The following OPCML variants were observed in gnomAD, a reference collection of about 807,000 sequenced individuals.
The protein encoded by OPCML is opioid-binding protein/cell adhesion molecule.
A neutral mutation model predicts 37.8 loss-of-function variants in OPCML; 13 were observed. The ratio of observed to expected loss-of-function variants is 0.34; its 90% CI spans 0.22 to 0.55. OPCML has a LOEUF of 0.55. Among genes scored for constraint, OPCML ranks in the 20% least tolerant of loss-of-function variants. The probability of loss-of-function intolerance (pLI) is 0.91; values close to 1 mark genes in which losing one functional copy is unlikely to be tolerated. For missense variants in OPCML, 341 were observed against 435.6 expected (o/e 0.78, Z 1.93); for synonymous variants, 176 against 168.8 (o/e 1.04, Z -0.33).
chr11:132,753,003 GT>G (rs201347860), intron 2 of OPCML, among the ~76,000 whole-genome samples: 44 of 151,696 alleles, frequency 2.9e-4, no homozygotes, highest in African/African-American at 8.9e-4. Flanking sequence ...ATCTTGATTT[GT>G]TTTTTTTGGT....
intron 2 of OPCML, among the ~76,000 whole-genome samples, chr11:132,751,772 A>G (rs1453117713): frequency 6.6e-6 from 1 of 152,140 alleles, no homozygotes; most frequent in Admixed American, 6.5e-5. Flanking sequence ...TTCTGCATCT[A>G]TGAGACCTCC....
intron 1 of OPCML, among the ~76,000 whole-genome samples, chr11:133,414,679 C>G (rs576385881): frequency 1.6e-4 from 24 of 152,254 alleles, no homozygotes; most frequent in Non-Finnish European, 2.6e-4. Flanking sequence ...TGACAACTCC[C>G]CATGAAACCC....
intron 1 of OPCML, among the ~76,000 whole-genome samples, chr11:133,348,809 C>T (rs1242715354): frequency 3.3e-5 from 5 of 152,122 alleles, no homozygotes; most frequent in African/African-American, 7.2e-5. Context: ...CAGACTTCAT[C>T]GATATTTATA....
intron 1 of OPCML, among the ~76,000 whole-genome samples, chr11:133,095,623 T>C (rs1337184347): frequency 6.8e-6 from 1 of 146,430 alleles, no homozygotes; most frequent in Non-Finnish European, 1.5e-5. Flanking sequence ...GAACTACTGA[T>C]ACAGTAGTCA....
At chr11:132,753,114 C>A (rs953071043) in intron 2 of OPCML, among the ~76,000 whole-genome samples, 4 of 151,968 alleles carry the variant, frequency 2.6e-5, no homozygotes, top group African/African-American at 4.8e-5. Flanking sequence ...GCACTCTGGC[C>A]CCACAAGCCC....
chr11:132,587,707 G>A (rs1478571715), intron 3 of OPCML, among the ~76,000 whole-genome samples: 1 of 152,186 alleles, frequency 6.6e-6, no homozygotes, highest in Non-Finnish European at 1.5e-5. Context: ...AGAATTCCAT[G>A]ATTCTACCAC....
chr11:132,470,559 C>T (rs752939162), intron 4 of OPCML, among the ~76,000 whole-genome samples: 38 of 152,100 alleles, frequency 2.5e-4, no homozygotes, highest in Non-Finnish European at 5.0e-4. Context: ...TGAGCATGAA[C>T]GCATGAATGT....
chr11:132,931,745 G>A (rs576912062), intron 2 of OPCML, among the ~76,000 whole-genome samples: 145 of 152,294 alleles, frequency 9.5e-4, no homozygotes, highest in Non-Finnish European at 1.4e-3. Flanking sequence ...TGAAAACTGC[G>A]TGGCGTTTCC....
intron 1 of OPCML, among the ~76,000 whole-genome samples, chr11:133,129,273 A>G (rs977075013): frequency 6.6e-6 from 1 of 152,140 alleles, no homozygotes; most frequent in African/African-American, 2.4e-5. Context: ...CAGACCATGC[A>G]CGTAAGGGAA....
chr11:133,195,547 T>C (rs146332029), intron 1 of OPCML, among the ~76,000 whole-genome samples: 8 of 152,330 alleles, frequency 5.3e-5, no homozygotes, highest in African/African-American at 1.4e-4. Flanking sequence ...TGGACAAAAT[T>C]AATGAATATG....
intron 1 of OPCML, among the ~76,000 whole-genome samples, chr11:133,241,848 G>T (rs1296558048): frequency 6.6e-6 from 1 of 152,134 alleles, no homozygotes; most frequent in African/African-American, 2.4e-5. Flanking sequence ...ACGCTTCCAC[G>T]CATGTATTTT....
At chr11:133,130,013 T>A (rs1949579244) in intron 1 of OPCML, among the ~76,000 whole-genome samples, 1 of 151,894 alleles carries the variant, frequency 6.6e-6, no homozygotes, top group African/African-American at 2.4e-5. Context: ...AAATTATGTA[T>A]AGATATTAGA....
intron 3 of OPCML, among the ~76,000 whole-genome samples, chr11:132,596,361 T>TC (rs1227287810): frequency 4.6e-5 from 7 of 152,228 alleles, no homozygotes; most frequent in Non-Finnish European, 8.8e-5. Context: ...TTCTTCTTTT[T>TC]CTTTTTTTTT....
chr11:132,498,866 C>T (rs929843372), intron 4 of OPCML, among the ~76,000 whole-genome samples: 3 of 152,104 alleles, frequency 2.0e-5, no homozygotes, highest in Admixed American at 6.5e-5. Context: ...GAGGAATGAA[C>T]ATTTATATTT....
chr11:132,968,081 C>T (rs1478622088), intron 1 of OPCML, among the ~76,000 whole-genome samples: 1 of 152,068 alleles, frequency 6.6e-6, no homozygotes, highest in Non-Finnish European at 1.5e-5. Context: ...AAATATATAT[C>T]GACACATTTA....
At chr11:133,151,397 T>C (rs905891730) in intron 1 of OPCML, among the ~76,000 whole-genome samples, 4 of 151,858 alleles carry the variant, frequency 2.6e-5, no homozygotes, top group African/African-American at 9.7e-5. Flanking sequence ...GTTTGCCCTT[T>C]GGCTGCTGGA....
chr11:133,049,708 G>T (rs940505104), intron 1 of OPCML, among the ~76,000 whole-genome samples: 1 of 152,178 alleles, frequency 6.6e-6, no homozygotes, highest in South Asian at 2.1e-4. Context: ...ACCCGTCACC[G>T]TGCAGGACAG....
chr11:132,657,015 A>G, intron 3 of OPCML, 72 bp downstream of exon 3: 1 of 1,569,532 alleles, frequency 6.4e-7, no homozygotes, highest in Non-Finnish European at 8.7e-7. Flanking sequence ...ACACAGGTAG[A>G]ACAAACACCA....
intron 1 of OPCML, among the ~76,000 whole-genome samples, chr11:133,262,873 C>T (rs1383480769): frequency 1.3e-5 from 2 of 151,544 alleles, no homozygotes; most frequent in Non-Finnish European, 2.9e-5. Flanking sequence ...GGCGTGAGGA[C>T]ACTCACTCTA....
Sources: gnomAD v4.1 joint callset for allele counts (sites outside exome capture counted in the v4.1 genomes callset) on GRCh38, gnomAD v4.1.1 for gene constraint, MANE v1.5 for transcripts, NCBI Gene and HGNC (gene_info 2026-07-23, HGNC 2026-07-21) for gene names.